Variants in CSMD1 observed in about 807,000 individuals in gnomAD.
CSMD1 encodes the protein CUB and sushi domain-containing protein 1.
Under a neutral mutation model 417.5 loss-of-function variants are expected in CSMD1, and 213 were observed. The ratio of observed to expected loss-of-function variants is 0.51; its 90% CI spans 0.46 to 0.57. The LOEUF (loss-of-function observed/expected upper bound fraction) is 0.57, where lower values mean the gene tolerates loss of function less well. Among genes scored for constraint, CSMD1 ranks in the 20% least tolerant of loss-of-function variants. The pLI, the probability that CSMD1 is intolerant of heterozygous loss-of-function variation, is 0.00. For missense variants in CSMD1, 6,923 were observed against 4,529.7 expected (o/e 1.53, Z -15.17); for synonymous variants, 2,862 against 1,736.8 (o/e 1.65, Z -16.11).
chr8:3,819,864 G>C (rs1301529848), intron 5 of CSMD1, among the ~76,000 whole-genome samples: 2 of 152,068 alleles, frequency 1.3e-5, no homozygotes, highest in South Asian at 4.2e-4. Flanking sequence ...TTTTGCAAGG[G>C]GTAAACTAAA....
chr8:3,511,809 TAACATAAC>T (rs1797083685), intron 10 of CSMD1, among the ~76,000 whole-genome samples: 1 of 139,466 alleles, frequency 7.2e-6, no homozygotes, highest in Non-Finnish European at 1.6e-5. Context: ...TAACATAACA[TAACATAAC>T]ATAACAATAA....
chr8:4,284,694 A>G (rs1796965579), intron 3 of CSMD1, among the ~76,000 whole-genome samples: 1 of 152,042 alleles, frequency 6.6e-6, no homozygotes, highest in Non-Finnish European at 1.5e-5. Context: ...GATATAAAAC[A>G]CTAAAATTTG....
At chr8:3,900,531 G>C (rs994630944) in intron 5 of CSMD1, among the ~76,000 whole-genome samples, 48 of 140,780 alleles carry the variant, frequency 3.4e-4, no homozygotes, top group African/African-American at 1.5e-3. Context: ...CTACAGCTGG[G>C]TGACAGTGAA....
chr8:4,257,319 A>G (rs973891445), intron 3 of CSMD1, among the ~76,000 whole-genome samples: 1 of 152,106 alleles, frequency 6.6e-6, no homozygotes, highest in Non-Finnish European at 1.5e-5. Context: ...GTTTTAAATG[A>G]TAACTATTTT....
rs577249637 is a variant in CSMD1 at position 3,508,507 on chromosome 8, A to T, written c.1345-14781T>A. Among the ~76,000 whole-genome samples, 97 of 39,104 alleles carry T rather than the reference A, an allele frequency of 2.5e-3. 1 individual carries two copies. Among genetic ancestry groups the T allele is most frequent in the African/African-American group, 8.0e-3 (71 of 8,852 alleles). 25.7% of individuals were successfully genotyped at this position (39,104 alleles called of 152,430 possible). A position where few individuals can be genotyped will look rare whatever the true frequency, so the allele number is the denominator to read the frequency against. ...TGTACCCTAGAACTTAAAGTATAAT[A>T]AAAAAAAAAGAAAAAATAGAATATT... On this transcript the variant is annotated intron_variant, in intron 10 of 69. Coordinates refer to ENST00000635120, the MANE Select transcript of CSMD1 (RefSeq NM_033225.6).
intron 1 of CSMD1, among the ~76,000 whole-genome samples, chr8:4,694,157 A>G (rs560766703): frequency 9.8e-5 from 15 of 152,298 alleles, no homozygotes; most frequent in African/African-American, 3.4e-4. Context: ...TGTGGACAAA[A>G]GACAGAGCTC....
At chr8:3,220,898 C>T (rs1342163181) in intron 28 of CSMD1, among the ~76,000 whole-genome samples, 2 of 152,176 alleles carry the variant, frequency 1.3e-5, no homozygotes, top group Admixed American at 1.3e-4. Flanking sequence ...CCCCTTCCCT[C>T]TTCTTCTCTA....
At chr8:3,696,387 A>C (rs973087130) in intron 7 of CSMD1, among the ~76,000 whole-genome samples, 1 of 152,172 alleles carries the variant, frequency 6.6e-6, no homozygotes, top group Non-Finnish European at 1.5e-5. Context: ...ATACTTTCAC[A>C]TATCTTCAAA....
intron 49 of CSMD1, among the ~76,000 whole-genome samples, chr8:3,068,424 G>C (rs984539409): frequency 6.6e-6 from 1 of 152,044 alleles, no homozygotes; most frequent in South Asian, 2.1e-4. Flanking sequence ...GGAAACTAAG[G>C]AAAAGTCTGT....
chr8:3,171,898 G>T (rs1243327480), intron 37 of CSMD1, among the ~76,000 whole-genome samples: 1 of 152,102 alleles, frequency 6.6e-6, no homozygotes, highest in African/African-American at 2.4e-5. Flanking sequence ...TTTGCATCCT[G>T]TGTCTCTATA....
intron 2 of CSMD1, among the ~76,000 whole-genome samples, chr8:4,551,529 T>C (rs1465486557): frequency 6.6e-6 from 1 of 152,102 alleles, no homozygotes; most frequent in Non-Finnish European, 1.5e-5. Context: ...TGCCCAACCA[T>C]CCCTATGGTC....
chr8:4,518,695 A>G (rs963010811), intron 2 of CSMD1, among the ~76,000 whole-genome samples: 33 of 152,170 alleles, frequency 2.2e-4, no homozygotes, highest in Admixed American at 7.2e-4. Context: ...CAGCACACCA[A>G]CGTGGCACAT....
At chr8:4,755,281 T>G (rs1811597735) in intron 1 of CSMD1, among the ~76,000 whole-genome samples, 1 of 152,228 alleles carries the variant, frequency 6.6e-6, no homozygotes, top group African/African-American at 2.4e-5. Context: ...TGCCTTCAAC[T>G]TGGAAATATT....
chr8:3,207,178 GC>G (rs76737102), intron 30 of CSMD1, among the ~76,000 whole-genome samples: 2,447 of 46,438 alleles, frequency 0.053, 94 homozygotes, highest in African/African-American at 0.16. Context: ...ATGGTGTCTT[GC>G]CCTGTCACCC....
chr8:3,468,810 C>G lies in CSMD1; in HGVS notation c.1463G>C (p.Ser488Thr), dbSNP rs755654790. The change falls in exon 12 of 70, where the codon AGT (serine) becomes ACT (threonine). Residue 488 changes from serine (S) to threonine (T), a missense_variant. Transcript: ENST00000635120. Reference sequence around the variant, plus strand: ...CATGCTCACAATGAGGTCAGGAACACTGGATCCCGTGAGCCTGCAAGAAAG... The same window carrying G: ...CATGCTCACAATGAGGTCAGGAACAGTGGATCCCGTGAGCCTGCAAGAAAG... ...RSVLYVLTGS[S>T]VPDLIVSMSN... The G allele has an allele frequency of 1.4e-5, 22 of 1,597,618 alleles. No individual in the cohort carries two copies. The highest frequency in any genetic ancestry group is 3.5e-5 in the Admixed American group (2 of 57,962).
intron 26 of CSMD1, among the ~76,000 whole-genome samples, chr8:3,234,517 G>C (rs1397168906): frequency 6.6e-6 from 1 of 151,470 alleles, no homozygotes; most frequent in Non-Finnish European, 1.5e-5. Flanking sequence ...TTGGGTTTCG[G>C]AGTAGGTTTT....
At chr8:4,605,932 T>C (rs1354596368) in intron 2 of CSMD1, among the ~76,000 whole-genome samples, 1 of 152,150 alleles carries the variant, frequency 6.6e-6, no homozygotes, top group Non-Finnish European at 1.5e-5. Flanking sequence ...GGAAACATTT[T>C]TATGACGAGG....
At position 3,291,520 on chromosome 8, in the gene CSMD1, T is replaced by C. The variant is rs531055501; in HGVS notation, c.3951-7174A>G. ...AATTTCAGACCCTGTTATTGGTCTA[T>C]TCAGAGATTCAACTTCTTCCTGGTT... On this transcript the variant is annotated intron_variant, in intron 25 of 69. Transcript: ENST00000635120. 2.6e-5 allele frequency among the ~76,000 whole-genome samples: 4 copies of C among 152,320 alleles called. No individual in the cohort carries two copies. The South Asian group carries it at 6.2e-4, about 24-fold the overall frequency.
chr8:3,854,401 T>C (rs1398399595), intron 5 of CSMD1, among the ~76,000 whole-genome samples: 1 of 152,138 alleles, frequency 6.6e-6, no homozygotes, highest in Admixed American at 6.6e-5. Flanking sequence ...TATCATATTT[T>C]CAGTGACTTT....
Sources: allele counts gnomAD v4.1 joint callset (sites outside exome capture counted in the v4.1 genomes callset), GRCh38; gene constraint gnomAD v4.1.1; transcripts MANE v1.5; gene names NCBI Gene and HGNC (gene_info 2026-07-23, HGNC 2026-07-21).